Variants in TNR observed in about 807,000 individuals in gnomAD.
TNR encodes the protein tenascin R.
Under a neutral mutation model 150.4 loss-of-function variants are expected in TNR, and 45 were observed. That is an observed-to-expected ratio of 0.30 (90% CI 0.24 to 0.38). TNR has a LOEUF of 0.38. Among genes scored for constraint, TNR ranks in the 10% least tolerant of loss-of-function variants. The pLI is 1.00. For synonymous variants in TNR, 687 were observed against 678.4 expected, an observed-to-expected ratio of 1.01 and a Z score of -0.20; for missense variants, 1,544 against 1,759.1, an observed-to-expected ratio of 0.88 and a Z score of 2.19.
chr1:175,598,675 G>A (rs1389557233), intron 1 of TNR, among the ~76,000 whole-genome samples: 1 of 152,206 alleles, frequency 6.6e-6, no homozygotes, highest in East Asian at 1.9e-4. Flanking sequence ...GTACATTTAG[G>A]AGAAGTATGC....
chr1:175,528,212 T>C (rs929617625), intron 2 of TNR, 57 bp downstream of exon 2: 1 of 152,204 alleles, frequency 6.6e-6, no homozygotes, highest in Non-Finnish European at 1.5e-5. Flanking sequence ...CAGTTACATA[T>C]GAAAGCCACA....
At chr1:175,432,350 A>G (rs952498709) in intron 2 of TNR, among the ~76,000 whole-genome samples, 6 of 152,212 alleles carry the variant, frequency 3.9e-5, no homozygotes, top group Non-Finnish European at 8.8e-5. Context: ...GGTTAGAAGT[A>G]ATAGCAGGGA....
chr1:175,587,478 G>T (rs1469222024), intron 1 of TNR, among the ~76,000 whole-genome samples: 1 of 152,166 alleles, frequency 6.6e-6, no homozygotes, highest in Non-Finnish European at 1.5e-5. Flanking sequence ...ATGTAGTTAA[G>T]AATCTAGCTC....
chr1:175,634,577 G>C (rs1343649688), intron 1 of TNR, among the ~76,000 whole-genome samples: 2 of 152,186 alleles, frequency 1.3e-5, no homozygotes, highest in Non-Finnish European at 1.5e-5. Context: ...TGTGGGCGTT[G>C]TTTGGGACTT....
At chr1:175,706,140 A>C (rs139339891) in intron 1 of TNR, among the ~76,000 whole-genome samples, 4 of 152,310 alleles carry the variant, frequency 2.6e-5, no homozygotes, top group Admixed American at 2.6e-4. Context: ...TAACAGAATA[A>C]AGTTTTGATT....
At chr1:175,427,355 A>G (rs1198248915) in intron 2 of TNR, among the ~76,000 whole-genome samples, 1 of 152,218 alleles carries the variant, frequency 6.6e-6, no homozygotes. Flanking sequence ...TATTTCATAT[A>G]GCAAAAAATT....
chr1:175,707,719 A>T lies in TNR; in HGVS notation c.-165+35507T>A, dbSNP rs1003842443. Reference sequence around the variant, plus strand: ...TAAAATGTTGCTTGTGTAAGTAATTAATCAGAAATTATTCGGAAGGTTTAT... The same window carrying T: ...TAAAATGTTGCTTGTGTAAGTAATTTATCAGAAATTATTCGGAAGGTTTAT... On this transcript the variant is annotated intron_variant, in intron 1 of 22. Transcript: ENST00000367674. 3.3e-5 allele frequency among the ~76,000 whole-genome samples: 5 copies of T among 152,300 alleles called. No individual in the cohort carries two copies. The South Asian group carries it at 8.3e-4, about 25-fold the overall frequency.
intron 2 of TNR, among the ~76,000 whole-genome samples, chr1:175,444,771 A>G (rs1267366792): frequency 6.6e-6 from 1 of 152,216 alleles, no homozygotes; most frequent in East Asian, 1.9e-4. Context: ...GCTGTTGGAT[A>G]CCACTGCAGA....
At chr1:175,633,615 A>G (rs12072109) in intron 1 of TNR, among the ~76,000 whole-genome samples, 3,152 of 152,300 alleles carry the variant, frequency 0.021, 114 homozygotes, top group African/African-American at 0.07. Flanking sequence ...GCCTGAGTTG[A>G]TTTAATCGCA....
intron 1 of TNR, among the ~76,000 whole-genome samples, chr1:175,662,720 G>C (rs2101897680): frequency 6.6e-6 from 1 of 152,292 alleles, no homozygotes; most frequent in Admixed American, 6.5e-5. Context: ...CATTAACTCT[G>C]CAAGACATTC....
intron 2 of TNR, among the ~76,000 whole-genome samples, chr1:175,496,820 T>C (rs1389539847): frequency 6.6e-6 from 1 of 152,220 alleles, no homozygotes; most frequent in Non-Finnish European, 1.5e-5. Context: ...CTGTAAACAT[T>C]TTACAAACAT....
intron 2 of TNR, among the ~76,000 whole-genome samples, chr1:175,467,584 G>T (rs2102112855): frequency 6.6e-6 from 1 of 152,308 alleles, no homozygotes; most frequent in Admixed American, 6.5e-5. Flanking sequence ...TCGAGAGATG[G>T]CCACGAGTTT....
At chr1:175,535,687 C>T (rs1372555906) in intron 1 of TNR, among the ~76,000 whole-genome samples, 6 of 148,458 alleles carry the variant, frequency 4.0e-5, no homozygotes, top group African/African-American at 1.5e-4. Flanking sequence ...AGCTGTATTT[C>T]TTAACTTTGG....
intron 1 of TNR, among the ~76,000 whole-genome samples, chr1:175,581,559 T>A (rs377660278): frequency 6.6e-6 from 1 of 152,260 alleles, no homozygotes; most frequent in East Asian, 1.9e-4. Flanking sequence ...CATGGCAGCA[T>A]GGGGTGGTGC....
intron 1 of TNR, among the ~76,000 whole-genome samples, chr1:175,728,785 G>A (rs567210995): frequency 1.3e-5 from 2 of 152,346 alleles, no homozygotes; most frequent in South Asian, 2.1e-4. Context: ...GGTAAAGGAG[G>A]TAGGGAAATC....
At chr1:175,691,530 G>A (rs771579009) in intron 1 of TNR, among the ~76,000 whole-genome samples, 1 of 152,042 alleles carries the variant, frequency 6.6e-6, no homozygotes, top group Non-Finnish European at 1.5e-5. Context: ...TCTACCCACT[G>A]TGTTCCTTAA....
chr1:175,678,298 G>C (rs115564223), intron 1 of TNR, among the ~76,000 whole-genome samples: 2,851 of 152,284 alleles, frequency 0.019, 69 homozygotes, highest in Admixed American at 0.072. Context: ...GGTGGGTAGA[G>C]GGGGCACGTG....
intron 1 of TNR, among the ~76,000 whole-genome samples, chr1:175,543,673 A>T (rs1206419858): frequency 6.6e-6 from 1 of 152,106 alleles, no homozygotes; most frequent in Non-Finnish European, 1.5e-5. Flanking sequence ...GTTCTGGGAA[A>T]CTCGTAATTT....
chr1:175,681,035 C>T (rs1038190286), intron 1 of TNR, among the ~76,000 whole-genome samples: 1 of 152,206 alleles, frequency 6.6e-6, no homozygotes, highest in African/African-American at 2.4e-5. Flanking sequence ...TAGAGCAGTG[C>T]CTGGCACATA....
Sources: allele counts gnomAD v4.1 joint callset (sites outside exome capture counted in the v4.1 genomes callset), GRCh38; gene constraint gnomAD v4.1.1; transcripts MANE v1.5; gene names NCBI Gene and HGNC (gene_info 2026-07-23, HGNC 2026-07-21).